CYP4Z1: variants seen among roughly 807,000 people sequenced by gnomAD.
CYP4Z1 encodes cytochrome P450 4Z1.
CYP4Z1 carries 41 observed loss-of-function variants against 54.2 expected under a neutral mutation model. That is an observed-to-expected ratio of 0.76 (90% CI 0.59 to 0.98). The LOEUF is 0.98. CYP4Z1 is among the 50% of genes least tolerant of loss of function. The probability of loss-of-function intolerance (pLI) is 0.00; values close to 1 mark genes in which losing one functional copy is unlikely to be tolerated. For synonymous variants in CYP4Z1, 163 were observed against 206.2 expected, an observed-to-expected ratio of 0.79 and a Z score of 1.79; for missense variants, 513 against 599.0, an observed-to-expected ratio of 0.86 and a Z score of 1.50.
Position 47,067,540 on chromosome 1 carries a change from T to C in CYP4Z1, c.50T>C (p.Leu17Pro), listed in dbSNP as rs375915739. 29 of 1,613,408 alleles carry C rather than the reference T, an allele frequency of 1.8e-5. No individual in the cohort carries two copies. Among genetic ancestry groups the C allele is most frequent in the Non-Finnish European group, 2.5e-5 (29 of 1,179,588 alleles). Residue 17 changes from leucine (L) to proline (P), a missense_variant, in exon 1 of 12, where the codon CTG (leucine) becomes CCG (proline). Coordinates refer to ENST00000334194, the MANE Select transcript of CYP4Z1 (RefSeq NM_178134.3). Reference protein sequence around the residue: ...QELMAHPFLLLILLCMSLLLF... With the variant: ...QELMAHPFLLPILLCMSLLLF... ...CTCATGGCTCACCCCTTCTTGCTGC[T>C]GATCCTCCTCTGCATGTCTCTGCTG...
At chr1:47,088,935 C>T (rs996464161) in intron 6 of CYP4Z1, among the ~76,000 whole-genome samples, 166 of 148,460 alleles carry the variant, frequency 1.1e-3, no homozygotes, top group Non-Finnish European at 8.3e-4. Flanking sequence ...GTTTATTTCT[C>T]ATATGCAGCA....
chr1:47,101,761 C>G (rs1644723258), intron 8 of CYP4Z1, among the ~76,000 whole-genome samples: 1 of 151,978 alleles, frequency 6.6e-6, no homozygotes, highest in Non-Finnish European at 1.5e-5. Flanking sequence ...CTGGGAGGTA[C>G]ATTTAGTCCA....
At chr1:47,069,414 CTT>C (rs1326976067) in intron 2 of CYP4Z1, among the ~76,000 whole-genome samples, 1 of 149,586 alleles carries the variant, frequency 6.7e-6, no homozygotes, top group African/African-American at 2.5e-5. Flanking sequence ...CCATACCACT[CTT>C]GGTGCTTCTG....
At chr1:47,059,689 A>G in the CYP4Z1 span, among the ~76,000 whole-genome samples, 1 of 152,182 alleles carries the variant, frequency 6.6e-6, no homozygotes, top group Non-Finnish European at 1.5e-5. Context: ...AGGCTTTCTC[A>G]TACTGTGTAT....
At chr1:47,103,414 G>A (rs1328367203) in intron 8 of CYP4Z1, among the ~76,000 whole-genome samples, 3 of 151,662 alleles carry the variant, frequency 2.0e-5, no homozygotes, top group Admixed American at 1.3e-4. Context: ...CTGGCCTCAA[G>A]CCATCTTACT....
chr1:47,077,625 AT>A (rs879925723), intron 2 of CYP4Z1, among the ~76,000 whole-genome samples: 272 of 144,406 alleles, frequency 1.9e-3, no homozygotes, highest in Middle Eastern at 6.9e-3. Flanking sequence ...TATATGTCTT[AT>A]TTTTTTTTTT....
chr1:47,104,147 T>C (rs1391021106), intron 8 of CYP4Z1, among the ~76,000 whole-genome samples: 4 of 152,194 alleles, frequency 2.6e-5, no homozygotes, highest in African/African-American at 4.8e-5. Flanking sequence ...TAGTGTTCAT[T>C]GGGTAGGATG....
chr1:47,095,430 G>A (rs577253928), intron 7 of CYP4Z1, among the ~76,000 whole-genome samples: 68 of 152,306 alleles, frequency 4.5e-4, no homozygotes, highest in African/African-American at 1.6e-3. Flanking sequence ...TGAGAAAAGT[G>A]AAGGACTTGG....
chr1:47,113,038 TA>T (rs760808198), intron 9 of CYP4Z1, among the ~76,000 whole-genome samples: 1 of 152,086 alleles, frequency 6.6e-6, no homozygotes, highest in Non-Finnish European at 1.5e-5. Context: ...ACTCTCTGCT[TA>T]AACTTCTCAG....
At chr1:47,099,803 T>C (rs1018535718) in intron 8 of CYP4Z1, among the ~76,000 whole-genome samples, 1 of 152,170 alleles carries the variant, frequency 6.6e-6, no homozygotes, top group Non-Finnish European at 1.5e-5. Context: ...ACCAAACTGA[T>C]CATGTTTTAA....
At chr1:47,085,330 G>T (rs1402317091) in intron 6 of CYP4Z1, among the ~76,000 whole-genome samples, 1 of 152,010 alleles carries the variant, frequency 6.6e-6, no homozygotes. Flanking sequence ...AGCAAGTACT[G>T]AACATGAGTG....
At chr1:47,086,310 A>G (rs1360073777) in intron 6 of CYP4Z1, among the ~76,000 whole-genome samples, 3 of 152,196 alleles carry the variant, frequency 2.0e-5, no homozygotes, top group African/African-American at 7.2e-5. Flanking sequence ...AGTCCCACCA[A>G]CAGTGTAAAA....
intron 2 of CYP4Z1, among the ~76,000 whole-genome samples, chr1:47,069,755 T>C (rs1234069779): frequency 1.3e-5 from 2 of 150,438 alleles, no homozygotes; most frequent in African/African-American, 5.0e-5. Context: ...GGGCAGGCCA[T>C]ACAGGGAAAG....
At chr1:47,100,595 C>T (rs1644714352) in intron 8 of CYP4Z1, among the ~76,000 whole-genome samples, 1 of 152,124 alleles carries the variant, frequency 6.6e-6, no homozygotes, top group Non-Finnish European at 1.5e-5. Context: ...TGCTTGTGTT[C>T]AAGTAACTCT....
rs140799715 is a variant in CYP4Z1, at chr1:47,097,898, C to T, written c.877-1196C>T. 6.2e-3 allele frequency among the ~76,000 whole-genome samples: 930 copies of T among 149,904 alleles called. 9 individuals are homozygous for T. Among genetic ancestry groups the T allele is most frequent in the African/African-American group, 0.021 (837 of 40,638 alleles). ...TGGTGTGCTCCTGGCTCACTGCAAC[C>T]TCCACCTCCCAGGTTCAAGTGATTC... is the stretch of plus-strand genomic sequence containing the variant. On this transcript the variant is annotated intron_variant, in intron 7 of 11. Transcript: ENST00000334194.
chr1:47,106,627 C>T (rs1417543080), intron 9 of CYP4Z1, among the ~76,000 whole-genome samples: 1 of 152,144 alleles, frequency 6.6e-6, no homozygotes, highest in African/African-American at 2.4e-5. Context: ...CTGCCTTCTC[C>T]CTTCCCTCAC....
chr1:47,083,393 A>T (rs1644569521), intron 4 of CYP4Z1, among the ~76,000 whole-genome samples: 1 of 152,388 alleles, frequency 6.6e-6, no homozygotes, highest in Non-Finnish European at 1.5e-5. Flanking sequence ...CTTACTATGC[A>T]TCAGGCTTAT....
At chr1:47,114,716 C>T (rs555031255) in intron 9 of CYP4Z1, among the ~76,000 whole-genome samples, 5 of 152,166 alleles carry the variant, frequency 3.3e-5, no homozygotes, top group Non-Finnish European at 7.4e-5. Flanking sequence ...CACTGGCCAT[C>T]AGAGAAATGC....
intron 9 of CYP4Z1, among the ~76,000 whole-genome samples, chr1:47,109,198 G>A (rs1019368343): frequency 2.6e-5 from 4 of 152,200 alleles, no homozygotes; most frequent in African/African-American, 4.8e-5. Flanking sequence ...ATGGAAGGAA[G>A]GTATTTAACA....
Sources: gnomAD v4.1 joint callset for allele counts (sites outside exome capture counted in the v4.1 genomes callset) on GRCh38, gnomAD v4.1.1 for gene constraint, MANE v1.5 for transcripts, NCBI Gene and HGNC (gene_info 2026-07-23, HGNC 2026-07-21) for gene names.